ADGRE3: variants seen among roughly 807,000 people sequenced by gnomAD.
ADGRE3 encodes adhesion G protein-coupled receptor E3, also known as EGF-like module receptor 3.
A neutral mutation model predicts 80.1 loss-of-function variants in ADGRE3; 88 were observed. That is an observed-to-expected ratio of 1.10 (90% CI 0.93 to 1.31). ADGRE3 has a LOEUF of 1.31. Ranked by LOEUF, ADGRE3 falls within the 40% of genes most tolerant of loss-of-function variation. The pLI, the probability that ADGRE3 is intolerant of heterozygous loss-of-function variation, is 0.00. For missense variants in ADGRE3, 715 were observed against 776.5 expected, an observed-to-expected ratio of 0.92 and a Z score of 0.94; for synonymous variants, 281 against 294.8, an observed-to-expected ratio of 0.95 and a Z score of 0.48.
intron 9 of ADGRE3, among the ~76,000 whole-genome samples, chr19:14,642,637 C>A (rs1266288793): frequency 6.6e-6 from 1 of 152,136 alleles, no homozygotes; most frequent in Non-Finnish European, 1.5e-5. Flanking sequence ...TATGTCTCCT[C>A]ATGTAGCTCC....
intron 7 of ADGRE3, 45 bp from the exon 8 acceptor site, chr19:14,647,410 CTTTT>C (rs35043921): frequency 7.9e-3 from 7,355 of 931,218 alleles, no homozygotes; most frequent in Middle Eastern, 0.012. Context: ...TCTTTTCTTT[CTTTT>C]TTTTTTTTTT....
the ADGRE3 span, among the ~76,000 whole-genome samples, chr19:14,613,905 C>G: frequency 1.3e-5 from 2 of 152,086 alleles, no homozygotes; most frequent in African/African-American, 2.4e-5. Context: ...AGGCTGGTCT[C>G]GAACTCCTGA....
At chr19:14,629,468 G>C (rs1302501956) in intron 14 of ADGRE3, among the ~76,000 whole-genome samples, 3 of 152,098 alleles carry the variant, frequency 2.0e-5, no homozygotes, top group African/African-American at 7.2e-5. Context: ...ACTTTCTTTG[G>C]CTAATGGGAT....
chr19:14,630,977 G>A (rs1394270413), intron 13 of ADGRE3, among the ~76,000 whole-genome samples: 1 of 151,996 alleles, frequency 6.6e-6, no homozygotes, highest in Non-Finnish European at 1.5e-5. Context: ...GGGTTCAAGC[G>A]ATTCTCCAGC....
intron 3 of ADGRE3, among the ~76,000 whole-genome samples, chr19:14,662,903 C>CAAAAAAAA (rs1209543540): frequency 1.1e-5 from 1 of 92,588 alleles, no homozygotes; most frequent in Non-Finnish European, 2.0e-5. Context: ...TCCATCTCTA[C>CAAAAAAAA]AAAAAAAAAA....
intron 2 of ADGRE3, 121 bp downstream of exon 2, chr19:14,668,681 G>A (rs189327582): frequency 2.9e-4 from 195 of 679,344 alleles, no homozygotes; most frequent in Non-Finnish European, 2.3e-4. Context: ...AAACACAGGA[G>A]CAAGCCTTCC....
chr19:14,647,108 C>A, intron 8 of ADGRE3, 73 bp downstream of exon 8: 1 of 1,274,700 alleles, frequency 7.8e-7, no homozygotes, highest in South Asian at 1.3e-5. Flanking sequence ...AGAACCACAG[C>A]CTGGGATGAT....
At chr19:14,644,298 G>C in intron 8 of ADGRE3, 23 bp from the exon 9 acceptor site, 1 of 1,447,762 alleles carries the variant, frequency 6.9e-7, no homozygotes, top group Non-Finnish European at 9.2e-7. Flanking sequence ...AATAGAAAGG[G>C]CTCATTGTCT....
Position 14,620,564 on chromosome 19 carries a change from ATATATT to A in ADGRE3, c.1921-1099_1921-1094del, listed in dbSNP as rs1970567819. ...ATATATATATTATATATATATATAT[ATATATT>A]TTTTTTTTTTTTTTTTTTTTTTTTT... On this transcript the variant is annotated intron_variant, in intron 15 of 15. Coordinates refer to ENST00000253673, the MANE Select transcript of ADGRE3 (RefSeq NM_032571.5). 1.5e-4 allele frequency among the ~76,000 whole-genome samples: 5 copies of A among 34,346 alleles called. 1 individual carries two copies. Among genetic ancestry groups the A allele is most frequent in the African/African-American group, 4.7e-4 (4 of 8,556 alleles). 22.5% of individuals were successfully genotyped at this position (34,346 alleles called of 152,430 possible). A position where few individuals can be genotyped will look rare whatever the true frequency, so the allele number is the denominator to read the frequency against.
In ADGRE3 at chr19:14,647,273, A is replaced by G. The variant is rs1971435817; in HGVS notation, c.790T>C (p.Tyr264His). Residue 264 changes from tyrosine to histidine, a missense_variant, in exon 8 of 16, where the codon TAT (tyrosine) becomes CAT (histidine). Tyr to His is a moderately conservative substitution (Grantham distance 83). Transcript: ENST00000253673. ...FEEMDKKDQV[Y>H]LNSQVVSAAI... ...GCACTCACAACCTGAGAGTTCAGAT[A>G]CACTTGATCTTTCTTATCCATCTCT... The G allele has an allele frequency of 1.2e-6, 2 of 1,613,456 alleles. No homozygotes were observed. Among genetic ancestry groups the G allele is most frequent in the African/African-American group, 1.3e-5 (1 of 75,050 alleles).
chr19:14,633,290 G>A lies in ADGRE3; in HGVS notation c.1497C>T (p.His499=), dbSNP rs753823725. ...AACTCCACATGAATCCCTGGTCCAG[G>A]TGGAGCCAGCATCTAGGAACAGTGG... ...LYGTADRCWL[H]LDQGFMWSFL... Residue 499 remains histidine, a synonymous_variant, in exon 12 of 16, where the codon CAC becomes CAT. Transcript: ENST00000253673. The A allele has an allele frequency of 4.3e-5, 69 of 1,611,874 alleles. No individual in the cohort carries two copies. The highest frequency in any genetic ancestry group is 5.8e-5 in the Non-Finnish European group (68 of 1,178,842).
chr19:14,608,728 G>A, the ADGRE3 span, among the ~76,000 whole-genome samples: 1 of 148,784 alleles, frequency 6.7e-6, no homozygotes, highest in Admixed American at 6.8e-5. Context: ...CTGCCTCCCA[G>A]GCTCAAGTGA....
chr19:14,608,843 G>A, the ADGRE3 span, among the ~76,000 whole-genome samples: 7 of 145,260 alleles, frequency 4.8e-5, no homozygotes, highest in Non-Finnish European at 9.0e-5. Flanking sequence ...TCTGTGGCCC[G>A]AGCTGTAGTG....
At chr19:14,670,943 TTA>T (rs1184613259) in intron 1 of ADGRE3, among the ~76,000 whole-genome samples, 10 of 152,298 alleles carry the variant, frequency 6.6e-5, no homozygotes, top group Admixed American at 6.5e-4. Context: ...GTTGGCATGT[TTA>T]TTGTGACAGT....
the ADGRE3 span, among the ~76,000 whole-genome samples, chr19:14,607,348 T>C: frequency 5.4e-5 from 8 of 149,118 alleles, no homozygotes; most frequent in East Asian, 2.0e-4. Flanking sequence ...GGACTACAGG[T>C]GCCCATCACC....
intron 15 of ADGRE3, among the ~76,000 whole-genome samples, chr19:14,620,213 A>G (rs1261391905): frequency 6.6e-6 from 1 of 151,840 alleles, no homozygotes; most frequent in Non-Finnish European, 1.5e-5. Context: ...CCTAAAAAAT[A>G]AAAGCATGGA....
intron 2 of ADGRE3, among the ~76,000 whole-genome samples, chr19:14,668,421 C>T (rs972690808): frequency 4.0e-5 from 6 of 151,648 alleles, no homozygotes; most frequent in Non-Finnish European, 5.9e-5. Context: ...AGGGGAATAA[C>T]GTTAAACAGA....
chr19:14,620,548 T>TGTATATATATATATA, intron 15 of ADGRE3, among the ~76,000 whole-genome samples: 1 of 24,982 alleles, frequency 4.0e-5, no homozygotes, highest in Non-Finnish European at 6.2e-5. Flanking sequence ...TATATATATA[T>TGTATATATATATATA]TATATATATA....
chr19:14,660,054 G>A (rs758744181), intron 4 of ADGRE3, among the ~76,000 whole-genome samples: 56 of 152,050 alleles, frequency 3.7e-4, no homozygotes, highest in South Asian at 4.2e-4. Flanking sequence ...ATAGGAAACC[G>A]TATTTATTGT....
Sources: gnomAD v4.1 joint callset for allele counts (sites outside exome capture counted in the v4.1 genomes callset) on GRCh38, gnomAD v4.1.1 for gene constraint, MANE v1.5 for transcripts, NCBI Gene and HGNC (gene_info 2026-07-23, HGNC 2026-07-21) for gene names.